DLG2: variants seen among roughly 807,000 people sequenced by gnomAD.
The protein encoded by DLG2 is discs large MAGUK scaffold protein 2.
In DLG2, 45 loss-of-function variants were observed where a neutral mutation model predicts 132.5. The ratio of observed to expected loss-of-function variants is 0.34; its 90% CI spans 0.27 to 0.44. The LOEUF is 0.44. DLG2 is among the 20% of genes least tolerant of loss of function. DLG2 has a pLI of 1.00. For synonymous variants in DLG2, 424 were observed against 419.6 expected, an observed-to-expected ratio of 1.01 and a Z score of -0.13; for missense variants, 1,045 against 1,196.9, an observed-to-expected ratio of 0.87 and a Z score of 1.87.
At chr11:83,761,706 C>T (rs2093917891) in intron 18 of DLG2, among the ~76,000 whole-genome samples, 1 of 152,124 alleles carries the variant, frequency 6.6e-6, no homozygotes, top group Non-Finnish European at 1.5e-5. Flanking sequence ...CCCTGTGCTT[C>T]CCCCTATTGG....
At chr11:84,247,513 C>G (rs2097317272) in intron 8 of DLG2, among the ~76,000 whole-genome samples, 1 of 152,092 alleles carries the variant, frequency 6.6e-6, no homozygotes, top group African/African-American at 2.4e-5. Flanking sequence ...TTTTAATTTT[C>G]ATATAGGGAT....
At chr11:84,187,431 G>A (rs969788282) in intron 8 of DLG2, among the ~76,000 whole-genome samples, 1 of 151,996 alleles carries the variant, frequency 6.6e-6, no homozygotes, top group Admixed American at 6.6e-5. Context: ...GTGTACTTGT[G>A]TGGATTTTCT....
At chr11:84,104,776 G>A (rs1342618018) in intron 9 of DLG2, among the ~76,000 whole-genome samples, 1 of 151,874 alleles carries the variant, frequency 6.6e-6, no homozygotes, top group Non-Finnish European at 1.5e-5. Flanking sequence ...ATAAGAAGGA[G>A]ATTTTAAAAA....
intron 7 of DLG2, among the ~76,000 whole-genome samples, chr11:84,329,328 A>G (rs4944482): frequency 6.6e-6 from 1 of 152,126 alleles, no homozygotes; most frequent in South Asian, 2.1e-4. Flanking sequence ...ACCAAATCTC[A>G]TCTTGAATTG....
At chr11:85,427,118 G>A (rs2090811841) in intron 3 of DLG2, among the ~76,000 whole-genome samples, 1 of 152,158 alleles carries the variant, frequency 6.6e-6, no homozygotes, top group Non-Finnish European at 1.5e-5. Context: ...CAAGAAATAT[G>A]GGACTATGTG....
At chr11:84,112,219 C>T (rs1320103402) in intron 9 of DLG2, among the ~76,000 whole-genome samples, 1 of 151,438 alleles carries the variant, frequency 6.6e-6, no homozygotes, top group African/African-American at 2.4e-5. Context: ...AGGATGGTCT[C>T]GATCTCCTTA....
chr11:84,086,125 T>C (rs1373935337), intron 10 of DLG2, among the ~76,000 whole-genome samples: 1 of 152,212 alleles, frequency 6.6e-6, no homozygotes, highest in Non-Finnish European at 1.5e-5. Context: ...CAAATGGTAC[T>C]CTCTACTTGG....
chr11:84,535,965 A>ATATAT, intron 6 of DLG2, among the ~76,000 whole-genome samples: 1 of 151,460 alleles, frequency 6.6e-6, no homozygotes, highest in African/African-American at 2.4e-5. Flanking sequence ...ATATATATAT[A>ATATAT]AAACTTCTAG....
intron 15 of DLG2, among the ~76,000 whole-genome samples, chr11:83,914,940 G>A (rs917651318): frequency 6.6e-6 from 1 of 152,108 alleles, no homozygotes; most frequent in Non-Finnish European, 1.5e-5. Flanking sequence ...CCACTCAGGT[G>A]GGTGTGCAGA....
chr11:85,075,679 C>T (rs571385768), intron 6 of DLG2, among the ~76,000 whole-genome samples: 2 of 151,818 alleles, frequency 1.3e-5, no homozygotes, highest in African/African-American at 2.4e-5. Context: ...TATATATATG[C>T]ATATATGTGC....
rs972101717 is a variant in DLG2, at chr11:83,754,612, G to A, written c.1825+32078C>T. On this transcript the variant is annotated intron_variant, in intron 18 of 27. Transcript: ENST00000376104. ...TGATCACTTTACATTCCTCACTTTG[G>A]TGCCTGCCTTTCTGGCCTGTGACTT... is the stretch of plus-strand genomic sequence containing the variant. 3.3e-5 allele frequency among the ~76,000 whole-genome samples: 5 copies of A among 151,250 alleles called. 1 individual carries two copies. The highest frequency in any genetic ancestry group is 1.2e-4 in the African/African-American group (5 of 40,594).
chr11:85,103,562 T>C (rs2071228680), intron 6 of DLG2, among the ~76,000 whole-genome samples: 3 of 151,888 alleles, frequency 2.0e-5, no homozygotes, highest in Non-Finnish European at 4.4e-5. Context: ...ATATACTATA[T>C]AGAAAGACTA....
rs147649038 is a variant in DLG2, at chr11:84,616,794, G to A, written c.358-82063C>T. On this transcript the variant is annotated intron_variant, in intron 6 of 27. Coordinates refer to ENST00000376104, the MANE Select transcript of DLG2 (RefSeq NM_001142699.3). ...GAAGGTGCTTAACAAATCTTAAAAT[G>A]TAATATAAATTTAAGGTATCTGAAG... 2.9e-3 allele frequency among the ~76,000 whole-genome samples: 444 copies of A among 152,190 alleles called. 1 individual carries two copies. The highest frequency in any genetic ancestry group is 9.8e-3 in the African/African-American group (407 of 41,548).
At chr11:85,344,120 A>G (rs747088839) in intron 3 of DLG2, among the ~76,000 whole-genome samples, 1 of 152,162 alleles carries the variant, frequency 6.6e-6, no homozygotes, top group Non-Finnish European at 1.5e-5. Context: ...TCAATAAAGC[A>G]TTTTACTTCT....
intron 6 of DLG2, among the ~76,000 whole-genome samples, chr11:84,669,233 A>G (rs1389119590): frequency 6.6e-6 from 1 of 152,118 alleles, no homozygotes; most frequent in Non-Finnish European, 1.5e-5. Context: ...ATCCTCATGT[A>G]GAACCATCAG....
At chr11:85,055,257 G>C (rs912785434) in intron 6 of DLG2, among the ~76,000 whole-genome samples, 2 of 152,116 alleles carry the variant, frequency 1.3e-5, no homozygotes, top group Non-Finnish European at 2.9e-5. Context: ...AAGAGAGAGA[G>C]AGAAATTGAG....
rs115372946 is a variant in DLG2 at position 83,772,129 on chromosome 11, C to T, written c.1825+14561G>A. On this transcript the variant is annotated intron_variant, in intron 18 of 27. Coordinates refer to ENST00000376104, the MANE Select transcript of DLG2 (RefSeq NM_001142699.3). Reference sequence around the variant, plus strand: ...GTCACATTGAAAGAAAAATCTAGGCCGGGTGCGGTGGCTCATGCCTGTAAT... The same window carrying T: ...GTCACATTGAAAGAAAAATCTAGGCTGGGTGCGGTGGCTCATGCCTGTAAT... Among the ~76,000 whole-genome samples the T allele has an allele frequency of 9.2e-3, 1,396 of 152,082 alleles. 20 individuals are homozygous for T. The highest frequency in any genetic ancestry group is 0.032 in the African/African-American group (1,320 of 41,478).
At chr11:84,251,131 A>G (rs1354603470) in intron 8 of DLG2, 107 bp downstream of exon 8, 2 of 630,786 alleles carry the variant, frequency 3.2e-6, no homozygotes, top group Non-Finnish European at 5.2e-6. Context: ...ATGTCATTCC[A>G]TAAGATTATT....
At chr11:84,040,003 C>T (rs1050012681) in intron 11 of DLG2, among the ~76,000 whole-genome samples, 4 of 150,910 alleles carry the variant, frequency 2.7e-5, no homozygotes, top group African/African-American at 9.7e-5. Flanking sequence ...TGTTCTTTGG[C>T]TGCATAAATG....
Sources: allele counts gnomAD v4.1 joint callset (sites outside exome capture counted in the v4.1 genomes callset), GRCh38; gene constraint gnomAD v4.1.1; transcripts MANE v1.5; gene names NCBI Gene and HGNC (gene_info 2026-07-23, HGNC 2026-07-21).